Variants in ATP2B1 observed in about 807,000 individuals in gnomAD.
The protein encoded by ATP2B1 is ATPase plasma membrane Ca2+ transporting 1, also known as plasma membrane calcium-transporting ATPase 1.
Under a neutral mutation model 124.2 loss-of-function variants are expected in ATP2B1, and 14 were observed. That is an observed-to-expected ratio of 0.11 (90% CI 0.07 to 0.18). The LOEUF is 0.18. Ranked by LOEUF, ATP2B1 falls within the 10% of genes least tolerant of loss-of-function variation. The probability of loss-of-function intolerance (pLI) is 1.00; values close to 1 mark genes in which losing one functional copy is unlikely to be tolerated. For missense variants in ATP2B1, 763 were observed against 1,466.1 expected, an observed-to-expected ratio of 0.52 and a Z score of 7.83; for synonymous variants, 449 against 492.4, an observed-to-expected ratio of 0.91 and a Z score of 1.17.
intron 15 of ATP2B1, among the ~76,000 whole-genome samples, chr12:89,609,564 T>A (rs1185802405): frequency 1.3e-5 from 2 of 152,256 alleles, no homozygotes; most frequent in South Asian, 4.1e-4. Flanking sequence ...ACTGAGTAGA[T>A]GAATGGAAGA....
rs1026688355 is a variant in ATP2B1, at chr12:89,673,214, T to C, written c.-221-17107A>G. ...GTTAAATAGGTTTTCTTCAGCCAGA[T>C]ACTTTTCATAGCCTTGCATATTTGT... On this transcript the variant is annotated intron_variant, in intron 1 of 20. Coordinates refer to ENST00000428670, the MANE Select transcript of ATP2B1 (RefSeq NM_001366521.1). 4.6e-5 allele frequency among the ~76,000 whole-genome samples: 7 copies of C among 152,362 alleles called. No individual in the cohort carries two copies. In the South Asian group the frequency reaches 8.3e-4, roughly 18 times the overall value.
intron 3 of ATP2B1, among the ~76,000 whole-genome samples, chr12:89,640,659 T>A (rs998883741): frequency 2.0e-5 from 3 of 152,084 alleles, no homozygotes; most frequent in Admixed American, 2.0e-4. Context: ...TGAAATATGA[T>A]CCCTAGTGTT....
intron 1 of ATP2B1, among the ~76,000 whole-genome samples, chr12:89,696,564 G>T (rs915780360): frequency 2.6e-5 from 4 of 152,122 alleles, no homozygotes; most frequent in African/African-American, 7.2e-5. Context: ...ATGTTAATAG[G>T]TAAGTTTTTC....
intron 1 of ATP2B1, among the ~76,000 whole-genome samples, chr12:89,677,969 T>TACACACACAC (rs1207955529): frequency 1.2e-4 from 7 of 59,530 alleles, no homozygotes; most frequent in African/African-American, 2.3e-4. Context: ...TATATATATA[T>TACACACACAC]ATACACACAC....
At chr12:89,606,964 C>T (rs548944571) in intron 15 of ATP2B1, among the ~76,000 whole-genome samples, 1 of 152,254 alleles carries the variant, frequency 6.6e-6, no homozygotes, top group African/African-American at 2.4e-5. Context: ...TCTCACCATT[C>T]CCTTGCTCAA....
intron 2 of ATP2B1, among the ~76,000 whole-genome samples, chr12:89,643,592 T>G (rs906679661): frequency 2.0e-5 from 3 of 152,156 alleles, no homozygotes; most frequent in Non-Finnish European, 4.4e-5. Flanking sequence ...TAGAAAGATA[T>G]GAGGAGGTTA....
At chr12:89,619,850 T>C in intron 11 of ATP2B1, 149 bp downstream of exon 11, 4 of 992,382 alleles carry the variant, frequency 4.0e-6, no homozygotes, top group Non-Finnish European at 5.8e-6. Context: ...CAGGGGCAAA[T>C]ATCTGGATAC....
chr12:89,616,575 G>C (rs1024741921), intron 12 of ATP2B1, among the ~76,000 whole-genome samples: 4 of 152,016 alleles, frequency 2.6e-5, no homozygotes, highest in African/African-American at 9.7e-5. Flanking sequence ...ACTGTGCTAG[G>C]TTATGGTGCT....
intron 1 of ATP2B1, among the ~76,000 whole-genome samples, chr12:89,703,977 G>A (rs1468613398): frequency 2.0e-5 from 3 of 152,160 alleles, no homozygotes; most frequent in Non-Finnish European, 4.4e-5. Context: ...TCCCCCAGGT[G>A]ATTCTTCATG....
At position 89,616,864 on chromosome 12, in the gene ATP2B1, C is replaced by G; in HGVS notation, c.2005G>C (p.Asp669His). Residue 669 changes from aspartate (D) to histidine (H), a missense_variant, in exon 12 of 21, where the codon GAT becomes CAT. Asp to His is a moderately conservative substitution (Grantham distance 81, BLOSUM62 -1). Transcript: ENST00000428670. ...ATGCATGTAAGGCCGGTGACAATATCATTTTCATTATCCCACTCTGGTTCT... is the reference window on the plus strand; with the variant it reads ...ATGCATGTAAGGCCGGTGACAATATGATTTTCATTATCCCACTCTGGTTCT... ...EPEPEWDNEN[D>H]IVTGLTCIAV... 1 of 1,614,062 alleles carries G rather than the reference C, an allele frequency of 6.2e-7. No individual in the cohort carries two copies. The highest frequency in any genetic ancestry group is 8.5e-7 in the Non-Finnish European group (1 of 1,179,970).
chr12:89,626,608 G>T lies in ATP2B1; in HGVS notation c.975C>A (p.Ala325=), dbSNP rs11105347. ...GAIENRNKAK[A]QDGAAMEMQP... is the part of the protein sequence containing the mutation. ...GCATTTCCATGGCTGCACCATCCTG[G>T]GCTTTTGCTACATTTAAGAGCAAAT... Residue 325 remains alanine (A), a synonymous_variant, in exon 8 of 21, where the codon GCC becomes GCA. Transcript: ENST00000428670. 3,951 of 1,593,980 alleles carry T rather than the reference G, an allele frequency of 2.5e-3. 69 individuals are homozygous for T. In the African/African-American group the frequency reaches 0.044, roughly 18 times the overall value.
At chr12:89,666,276 CACA>C (rs1429366589) in intron 1 of ATP2B1, among the ~76,000 whole-genome samples, 3 of 152,172 alleles carry the variant, frequency 2.0e-5, no homozygotes, top group Non-Finnish European at 4.4e-5. Flanking sequence ...CCCACTCCAT[CACA>C]ACATGTTGGT....
chr12:89,664,172 A>G (rs1181867427), intron 1 of ATP2B1, among the ~76,000 whole-genome samples: 1 of 152,198 alleles, frequency 6.6e-6, no homozygotes, highest in African/African-American at 2.4e-5. Flanking sequence ...TAAAGGCCCA[A>G]GCACAGCTCC....
intron 6 of ATP2B1, among the ~76,000 whole-genome samples, chr12:89,628,620 T>C (rs1881324592): frequency 6.6e-6 from 1 of 152,038 alleles, no homozygotes; most frequent in South Asian, 2.1e-4. Context: ...TCTGAAGCAA[T>C]AAAGTAATGA....
intron 8 of ATP2B1, among the ~76,000 whole-genome samples, chr12:89,626,219 G>A (rs924274059): frequency 6.6e-6 from 1 of 152,168 alleles, no homozygotes; most frequent in African/African-American, 2.4e-5. Flanking sequence ...TGAGTGCACA[G>A]GCTTGTAACT....
chr12:89,679,621 G>GT (rs1303808924), intron 1 of ATP2B1, among the ~76,000 whole-genome samples: 2 of 152,132 alleles, frequency 1.3e-5, no homozygotes, highest in African/African-American at 4.8e-5. Context: ...TTACCTGTAA[G>GT]TAGAGAAATA....
intron 1 of ATP2B1, among the ~76,000 whole-genome samples, chr12:89,662,332 T>C (rs1886812728): frequency 6.6e-6 from 1 of 152,208 alleles, no homozygotes; most frequent in Non-Finnish European, 1.5e-5. Context: ...TGCTTGCATG[T>C]AATATCTCAC....
At chr12:89,613,128 C>T (rs111481954) in intron 12 of ATP2B1, among the ~76,000 whole-genome samples, 21,576 of 151,838 alleles carry the variant, frequency 0.14, 1,898 homozygotes, top group Non-Finnish European at 0.2. Flanking sequence ...CACAGGTACA[C>T]GCCACCATGC....
At chr12:89,683,462 G>A (rs142700299) in intron 1 of ATP2B1, among the ~76,000 whole-genome samples, 13 of 152,332 alleles carry the variant, frequency 8.5e-5, no homozygotes, top group South Asian at 2.1e-4. Flanking sequence ...GTAAAGAAGC[G>A]TAAGCTACAA....
Sources: gnomAD v4.1 joint callset for allele counts (sites outside exome capture counted in the v4.1 genomes callset) on GRCh38, gnomAD v4.1.1 for gene constraint, MANE v1.5 for transcripts, NCBI Gene and HGNC (gene_info 2026-07-23, HGNC 2026-07-21) for gene names.